Variants in MYCBP2 observed in about 807,000 individuals in gnomAD.
The protein encoded by MYCBP2 is E3 ubiquitin-protein ligase MYCBP2.
In MYCBP2, 120 loss-of-function variants were observed where a neutral mutation model predicts 525.3. That is an observed-to-expected ratio of 0.23 (90% CI 0.20 to 0.27). The LOEUF is 0.27. Ranked by LOEUF, MYCBP2 falls within the 10% of genes least tolerant of loss-of-function variation. The pLI, the probability that MYCBP2 is intolerant of heterozygous loss-of-function variation, is 1.00. For missense variants in MYCBP2, 4,149 were observed against 5,657.1 expected (o/e 0.73, Z 8.55); for synonymous variants, 1,894 against 1,955.8 (o/e 0.97, Z 0.83).
chr13:77,206,569 A>T, intron 24 of MYCBP2, 84 bp downstream of exon 24: 1 of 1,173,836 alleles, frequency 8.5e-7, no homozygotes, highest in Non-Finnish European at 1.1e-6. Context: ...AGACAGAATT[A>T]CATATAAATT....
Position 77,097,832 on chromosome 13 carries a change from C to G in MYCBP2, c.9322G>C (p.Asp3108His). 2 of 1,613,700 alleles carry G rather than the reference C, an allele frequency of 1.2e-6. No homozygotes were observed. Among genetic ancestry groups the G allele is most frequent in the Non-Finnish European group, 1.7e-6 (2 of 1,179,828 alleles). ...TTGATGCTACCCATCTTAGATATATCTGGTCCATGGGGTGCAATATTAAAC... is the reference window on the plus strand; with the variant it reads ...TTGATGCTACCCATCTTAGATATATGTGGTCCATGGGGTGCAATATTAAAC... ...NMFNIAPHGP[D>H]ISKMGSINKN... The change falls in exon 56 of 83, where the codon GAT becomes CAT. Residue 3108 changes from aspartate (D) to histidine (H), a missense_variant. Asp to His is a moderately conservative substitution (Grantham distance 81, BLOSUM62 -1). Transcript: ENST00000544440.
At chr13:77,255,433 C>T (rs1300905949) in intron 14 of MYCBP2, among the ~76,000 whole-genome samples, 2 of 151,802 alleles carry the variant, frequency 1.3e-5, no homozygotes, top group Non-Finnish European at 2.9e-5. Flanking sequence ...GAATCTAGAA[C>T]ATAGGTGTAA....
intron 22 of MYCBP2, 49 bp downstream of exon 22, chr13:77,211,907 C>T: frequency 7.2e-7 from 1 of 1,394,924 alleles, no homozygotes; most frequent in Non-Finnish European, 1.0e-6. Context: ...CATTTACTAT[C>T]AATCAAGACA....
intron 5 of MYCBP2, among the ~76,000 whole-genome samples, chr13:77,273,036 G>A (rs1442769993): frequency 6.6e-6 from 1 of 151,988 alleles, no homozygotes; most frequent in Non-Finnish European, 1.5e-5. Context: ...ACTCAGAAAC[G>A]AATCAATTCA....
At chr13:77,144,959 C>T (rs543299392) in intron 48 of MYCBP2, among the ~76,000 whole-genome samples, 1 of 152,304 alleles carries the variant, frequency 6.6e-6, no homozygotes, top group African/African-American at 2.4e-5. Context: ...CATTTTTATG[C>T]TGCAATCACC....
rs766321195 is a variant in MYCBP2, at chr13:77,139,197, T to C, written c.7658A>G (p.Asp2553Gly). The change falls in exon 52 of 83, where the codon GAC becomes GGC. Residue 2553 changes from aspartate (D) to glycine (G), a missense_variant and splice_region_variant. Coordinates refer to ENST00000544440, the MANE Select transcript of MYCBP2 (RefSeq NM_015057.5). The stretch of plus-strand genomic sequence containing the variant: ...TTTTTAAAACCACCTTTTACTTACG[T>C]CAACAGGGACCAGAAGACTCTTGCC... ...HLGKSLLVPV[D>G]ESKTNTDDFF... is the part of the protein sequence containing the mutation. 20 of 1,613,054 alleles carry C rather than the reference T, an allele frequency of 1.2e-5. No homozygotes were observed. Among genetic ancestry groups the C allele is most frequent in the Non-Finnish European group, 1.7e-5 (20 of 1,179,418 alleles).
At chr13:77,266,595 T>C (rs544259155) in intron 8 of MYCBP2, among the ~76,000 whole-genome samples, 3 of 152,058 alleles carry the variant, frequency 2.0e-5, no homozygotes, top group South Asian at 4.1e-4. Flanking sequence ...TTCTTTTTTG[T>C]TCATATGATT....
chr13:77,237,993 C>G (rs1228820425), intron 17 of MYCBP2, among the ~76,000 whole-genome samples: 2 of 152,054 alleles, frequency 1.3e-5, no homozygotes, highest in Non-Finnish European at 2.9e-5. Context: ...CCTGTAATCC[C>G]AGCACTTTGG....
Position 77,326,709 on chromosome 13 carries a change from A to G in MYCBP2, c.67T>C (p.Tyr23His). 2 of 1,426,818 alleles carry G rather than the reference A, an allele frequency of 1.4e-6. No homozygotes were observed. The highest frequency in any genetic ancestry group is 1.8e-6 in the Non-Finnish European group (2 of 1,101,546). 88.4% of individuals were successfully genotyped at this position (1,426,818 alleles called of 1,614,324 possible). Residue 23 changes from tyrosine (Y) to histidine (H), a missense_variant, in exon 1 of 83, where the codon TAC becomes CAC. This residue lies in a region of MYCBP2 where 413 missense variants were observed against 451.2 expected (regional missense o/e 0.92). Transcript: ENST00000544440. The surrounding 1 kb of genome is among the most constrained non-coding windows in gnomAD (Gnocchi z 4.2). Reference sequence around the variant, plus strand: ...GAGGAAGAGAAGGTGGCGGCTGGGTAGAATCCGTCCCCGCCGAGCCCCGAG... The same window carrying G: ...GAGGAAGAGAAGGTGGCGGCTGGGTGGAATCCGTCCCCGCCGAGCCCCGAG... ...ASSGLGGDGF[Y>H]PAATFSSSPA...
intron 52 of MYCBP2, among the ~76,000 whole-genome samples, chr13:77,131,703 ATG>A (rs2052890772): frequency 6.6e-6 from 1 of 152,188 alleles, no homozygotes; most frequent in Admixed American, 6.5e-5. Context: ...TTGTGTGTGC[ATG>A]TGTATATACG....
intron 44 of MYCBP2, among the ~76,000 whole-genome samples, chr13:77,158,712 T>C (rs964350573): frequency 6.6e-6 from 1 of 152,186 alleles, no homozygotes. Flanking sequence ...CCTATCAAAA[T>C]GCTGGGATTA....
chr13:77,166,894 G>A (rs1336457093), intron 40 of MYCBP2, among the ~76,000 whole-genome samples: 1 of 151,718 alleles, frequency 6.6e-6, no homozygotes, highest in African/African-American at 2.4e-5. Flanking sequence ...TAATCATGCA[G>A]AGGGAGCATT....
chr13:77,180,161 A>G lies in MYCBP2; in HGVS notation c.5099T>C (p.Val1700Ala). The G allele has an allele frequency of 6.2e-7, 1 of 1,614,062 alleles. No homozygotes were observed. The highest frequency in any genetic ancestry group is 1.1e-5 in the South Asian group (1 of 91,060). ...SNTCGLLASI[V>A]SELTASALGS... ...CAGGGCTGACGCTGTCAGTTCACTGACAATGCTGGCCAGTAATCCACAGGT... is the reference window on the plus strand; with the variant it reads ...CAGGGCTGACGCTGTCAGTTCACTGGCAATGCTGGCCAGTAATCCACAGGT... Residue 1700 changes from valine to alanine, a missense_variant, in exon 34 of 83, where the codon GTC (valine) becomes GCC (alanine). Physicochemically the swap from Val to Ala is moderately conservative, Grantham distance 64. Around this residue, in one of 21 missense-constraint regions of MYCBP2, gnomAD observed 54 missense variants for 117.0 expected, o/e 0.46. Transcript: ENST00000544440.
rs149646035 is a variant in MYCBP2 at position 77,272,859 on chromosome 13, T to A, written c.945+613A>T. ...CAAGGGGCCAGAGAAGAGTAGACAG[T>A]CAGGTCTTAAGATCATAACTTCTTT... On this transcript the variant is annotated intron_variant, in intron 5 of 82. Transcript: ENST00000544440. Among the ~76,000 whole-genome samples, 416 of 152,304 alleles carry A rather than the reference T, an allele frequency of 2.7e-3. 2 individuals are homozygous for A. The highest frequency in any genetic ancestry group is 9.5e-3 in the African/African-American group (396 of 41,556).
intron 54 of MYCBP2, 25 bp downstream of exon 54, chr13:77,125,311 A>C (rs745624474): frequency 3.1e-6 from 5 of 1,612,912 alleles, no homozygotes; most frequent in Non-Finnish European, 4.2e-6. Context: ...TAATTGGAAT[A>C]AATCACAAAT....
At chr13:77,061,539 G>T in intron 75 of MYCBP2, 123 bp downstream of exon 75, 1 of 1,161,588 alleles carries the variant, frequency 8.6e-7, no homozygotes, top group Non-Finnish European at 1.2e-6. Context: ...AGACAGCTGT[G>T]AACTCAACCA....
chr13:77,233,383 T>C, intron 17 of MYCBP2, 120 bp from the exon 18 acceptor site: 1 of 780,802 alleles, frequency 1.3e-6, no homozygotes, highest in Non-Finnish European at 2.0e-6. Flanking sequence ...TTGGACATTA[T>C]ACTTTTCTTC....
At position 77,181,749 on chromosome 13, in the gene MYCBP2, T is replaced by C. The variant is rs765116303; in HGVS notation, c.4893A>G (p.Leu1631=). 1 of 1,614,146 alleles carries C rather than the reference T, an allele frequency of 6.2e-7. No homozygotes were observed. The highest frequency in any genetic ancestry group is 8.5e-7 in the Non-Finnish European group (1 of 1,179,990). Residue 1631 remains leucine, a synonymous_variant, in exon 33 of 83, where the codon CTA becomes CTG. Coordinates refer to ENST00000544440, the MANE Select transcript of MYCBP2 (RefSeq NM_015057.5). ...CCACCAAAAGGGGAAAACGATGAAC[T>C]AGTGTTGAGTCGTTCTCTGTACTAA... ...KQVSTENDST[L]VHRFPLLVAH...
rs1187162481 is a variant in MYCBP2 at position 77,243,099 on chromosome 13, C to A, written c.2589G>T (p.Arg863=). ...ATCTGTGCCTTCTGATTACACGTTG[C>A]CGTTTTTCTTCTTGTCGTAACTGAA... ...EHLQLRQEEK[R]QRVIRRHRLE... is the part of the protein sequence containing the mutation. The change falls in exon 17 of 83, where the codon CGG becomes CGT. Residue 863 remains arginine, a synonymous_variant. Transcript: ENST00000544440. 5 of 1,614,060 alleles carry A rather than the reference C, an allele frequency of 3.1e-6. No individual in the cohort carries two copies. Among genetic ancestry groups the A allele is most frequent in the Non-Finnish European group, 4.2e-6 (5 of 1,179,994 alleles).
Sources: allele counts gnomAD v4.1 joint callset (sites outside exome capture counted in the v4.1 genomes callset), GRCh38; gene constraint gnomAD v4.1.1; regional missense constraint gnomAD v4.1.1; non-coding constraint Gnocchi (gnomAD v3.1); transcripts MANE v1.5; gene names NCBI Gene and HGNC (gene_info 2026-07-23, HGNC 2026-07-21).